The following NUMA1 variants were observed in gnomAD, a reference collection of about 807,000 sequenced individuals.
NUMA1 encodes SP-H antigen.
NUMA1 carries 62 observed loss-of-function variants against 237.1 expected under a neutral mutation model. That is an observed-to-expected ratio of 0.26 (90% CI 0.21 to 0.32). The LOEUF (loss-of-function observed/expected upper bound fraction) is 0.32. Ranked by LOEUF, NUMA1 falls within the 10% of genes least tolerant of loss-of-function variation. The pLI is 1.00. For synonymous variants in NUMA1, 1,028 were observed against 1,066.1 expected (o/e 0.96, Z 0.70); for missense variants, 2,533 against 2,666.5 (o/e 0.95, Z 1.10).
chr11:72,029,307 A>G lies in NUMA1; in HGVS notation c.43-17T>C, dbSNP rs1939991152. ...ACTGTTCACCTGTAAATCAAAGGGA[A>G]CAGCCTAGTGAGACCGTTAGAAGCA... On this transcript the variant is annotated splice_polypyrimidine_tract_variant and intron_variant, in intron 3 of 26. Coordinates refer to ENST00000393695, the MANE Select transcript of NUMA1 (RefSeq NM_006185.4). 6.4e-7 allele frequency: 1 copy of G among 1,571,856 alleles called. No homozygotes were observed. The highest frequency in any genetic ancestry group is 8.6e-7 in the Non-Finnish European group (1 of 1,156,760).
At chr11:72,067,638 C>A (rs942408751) in intron 2 of NUMA1, 1 of 152,202 alleles carries the variant, frequency 6.6e-6, no homozygotes, top group Admixed American at 6.5e-5. Context: ...AAATTCCACT[C>A]CTACCCCAAG....
At chr11:72,022,142 T>A in intron 7 of NUMA1, 197 bp downstream of exon 7, 1 of 493,086 alleles carries the variant, frequency 2.0e-6, no homozygotes, top group South Asian at 2.9e-5. Flanking sequence ...TAGCAAACTC[T>A]GGGAATGAGT....
chr11:72,008,320 A>G (rs1009665116), intron 20 of NUMA1: 2 of 386,306 alleles, frequency 5.2e-6, no homozygotes, highest in Non-Finnish European at 9.9e-6. Flanking sequence ...ACAGCCACCA[A>G]GGTTTCCTCA....
chr11:72,022,673 AC>A (rs1939041580), intron 6 of NUMA1, among the ~76,000 whole-genome samples: 1 of 151,140 alleles, frequency 6.6e-6, no homozygotes, highest in Non-Finnish European at 1.5e-5. Flanking sequence ...GACTCATGGA[AC>A]CCTGGGTGTG....
rs1454799158 is a variant in NUMA1, at chr11:72,022,327, A to T, written c.372+12T>A. The T allele has an allele frequency of 6.2e-7, 1 of 1,601,556 alleles. No homozygotes were observed. The highest frequency in any genetic ancestry group is 1.7e-5 in the Admixed American group (1 of 59,658). On this transcript the variant is annotated intron_variant, in intron 7 of 26. Coordinates refer to ENST00000393695, the MANE Select transcript of NUMA1 (RefSeq NM_006185.4). ...TAGGCCTGCTAGGTGGCATGGAGGC[A>T]CAAGGGCTTACCTGAATTTTATATT...
intron 3 of NUMA1, among the ~76,000 whole-genome samples, chr11:72,031,520 C>T (rs556271641): frequency 3.3e-5 from 5 of 151,472 alleles, no homozygotes; most frequent in Admixed American, 1.3e-4. Context: ...TTAGGCCAGG[C>T]GCAGTGGCCC....
chr11:72,005,992 C>T (rs1590858647), intron 22 of NUMA1, 43 bp downstream of exon 22: 1 of 1,457,254 alleles, frequency 6.9e-7, no homozygotes, highest in Non-Finnish European at 9.4e-7. Flanking sequence ...ATCCACCTTC[C>T]AGTCTAATTT....
At chr11:72,025,798 G>A (rs1369674327) in intron 4 of NUMA1, among the ~76,000 whole-genome samples, 1 of 152,142 alleles carries the variant, frequency 6.6e-6, no homozygotes, top group African/African-American at 2.4e-5. Flanking sequence ...CCTCCCAGAA[G>A]CACTCTGTCT....
intron 7 of NUMA1, 51 bp from the exon 8 acceptor site, chr11:72,021,342 G>A: frequency 2.6e-6 from 4 of 1,536,088 alleles, no homozygotes; most frequent in Non-Finnish European, 3.6e-6. Context: ...GCCTCTGAAG[G>A]GATGGCTGCC....
At chr11:72,007,100 C>T (rs904403271) in intron 21 of NUMA1, 89 bp downstream of exon 21, 2 of 1,498,174 alleles carry the variant, frequency 1.3e-6, no homozygotes, top group Non-Finnish European at 1.8e-6. Context: ...GCTCATCCCT[C>T]CCTGCTCCTG....
intron 3 of NUMA1, among the ~76,000 whole-genome samples, chr11:72,033,747 G>A (rs977802031): frequency 7.2e-5 from 11 of 152,296 alleles, no homozygotes; most frequent in East Asian, 1.9e-4. Flanking sequence ...TAGGCCAGGC[G>A]CAGTGGCTCA....
In NUMA1 at chr11:72,005,287, C is replaced by A; in HGVS notation, c.5775G>T (p.Gln1925His). ...DDWNRIAELQQRNRVCPPHLK... is the reference protein window; with the variant it reads ...DDWNRIAELQHRNRVCPPHLK... ...GATGTGGGGGGCACACTCGATTGCG[C>A]TGCTGCAGCTCTGCAATGCGGTTCC... Residue 1925 changes from glutamine to histidine, a missense_variant, in exon 23 of 27, where the codon CAG becomes CAT. Gln to His is a conservative substitution (Grantham distance 24). Around this residue, in one of 3 missense-constraint regions of NUMA1, gnomAD observed 795 missense variants for 750.8 expected, o/e 1.06. Coordinates refer to ENST00000393695, the MANE Select transcript of NUMA1 (RefSeq NM_006185.4). 1 of 1,610,178 alleles carries A rather than the reference C, an allele frequency of 6.2e-7. No homozygotes were observed. Among genetic ancestry groups the A allele is most frequent in the Non-Finnish European group, 8.5e-7 (1 of 1,178,250 alleles).
chr11:72,037,696 TCCTGAC>T (rs1337911478), intron 2 of NUMA1, among the ~76,000 whole-genome samples: 1 of 152,178 alleles, frequency 6.6e-6, no homozygotes, highest in Non-Finnish European at 1.5e-5. Flanking sequence ...ATTAAGTGCT[TCCTGAC>T]CCTGCAACAT....
In NUMA1 at chr11:72,012,904, G is replaced by A. The variant is rs140567236; in HGVS notation, c.4599C>T (p.Leu1533=). ...GGGCTGAGTACCTTACCTGGGCAGT[G>A]AGTTTCTGCCTCTCTTCCTGGAACC... ...RQRFQEERQK[L]TAQVEQLEVF... is the part of the protein sequence containing the mutation. The change falls in exon 15 of 27, where the codon CTC becomes CTT. Residue 1533 remains leucine, a synonymous_variant. Coordinates refer to ENST00000393695, the MANE Select transcript of NUMA1 (RefSeq NM_006185.4). 1.9e-6 allele frequency: 3 copies of A among 1,613,730 alleles called. No homozygotes were observed. The highest frequency in any genetic ancestry group is 2.5e-6 in the Non-Finnish European group (3 of 1,179,822).
At chr11:72,008,316 A>G in intron 20 of NUMA1, 1 of 382,812 alleles carries the variant, frequency 2.6e-6, no homozygotes, top group Non-Finnish European at 5.0e-6. Flanking sequence ...AATTACAGCC[A>G]CCAAGGTTTC....
At chr11:72,039,220 C>T (rs1941390726) in intron 2 of NUMA1, among the ~76,000 whole-genome samples, 1 of 152,246 alleles carries the variant, frequency 6.6e-6, no homozygotes, top group South Asian at 2.1e-4. Context: ...TGTAAACCAC[C>T]TGCTCAGACA....
At chr11:72,059,840 T>C (rs1489231431) in intron 2 of NUMA1, among the ~76,000 whole-genome samples, 2 of 152,210 alleles carry the variant, frequency 1.3e-5, no homozygotes, top group Non-Finnish European at 2.9e-5. Flanking sequence ...TAAAACTGTG[T>C]ACTAGTTTAT....
chr11:72,014,544 C>A lies in NUMA1; in HGVS notation c.2959G>T (p.Ala987Ser). 1 of 1,602,318 alleles carries A rather than the reference C, an allele frequency of 6.2e-7. No individual in the cohort carries two copies. Among genetic ancestry groups the A allele is most frequent in the Non-Finnish European group, 8.5e-7 (1 of 1,179,964 alleles). ...MGNELERLRA[A>S]LMESQGQQQE... ...TGCTGCCCCTGGCTCTCCATCAGCG[C>A]GGCCCGCAGCCGTTCCAGCTCATTG... Residue 987 changes from alanine (A) to serine (S), a missense_variant, in exon 15 of 27, where the codon GCG becomes TCG. Transcript: ENST00000393695. This position sits in a 1 kb window ranked among gnomAD's most constrained non-coding sequence, Gnocchi z 4.6.
At position 72,015,223 on chromosome 11, in the gene NUMA1, C is replaced by T. The variant is rs140880451; in HGVS notation, c.2280G>A (p.Glu760=). 3.7e-6 allele frequency: 6 copies of T among 1,613,476 alleles called. No homozygotes were observed. The highest frequency in any genetic ancestry group is 5.1e-6 in the Non-Finnish European group (6 of 1,180,052). ...CCTCCAGCCCCTTGCGCCCAGCCCTCTCTTCTTCCAGCTCCTTTCGTTCCC... is the reference window on the plus strand; with the variant it reads ...CCTCCAGCCCCTTGCGCCCAGCCCTTTCTTCTTCCAGCTCCTTTCGTTCCC... The part of the protein sequence containing the change: ...HKRERKELEE[E]RAGRKGLEAR... Residue 760 remains glutamate, a synonymous_variant, in exon 15 of 27, where the codon GAG becomes GAA. Transcript: ENST00000393695. This position sits in a 1 kb window ranked among gnomAD's most constrained non-coding sequence, Gnocchi z 4.0.
Sources: gnomAD v4.1 joint callset for allele counts (sites outside exome capture counted in the v4.1 genomes callset) on GRCh38, gnomAD v4.1.1 for gene constraint, gnomAD v4.1.1 regional missense constraint, Gnocchi (gnomAD v3.1) non-coding constraint, MANE v1.5 for transcripts, NCBI Gene and HGNC (gene_info 2026-07-23, HGNC 2026-07-21) for gene names.